The following CRB1 variants were observed in gnomAD, a reference collection of about 807,000 sequenced individuals.
The protein encoded by CRB1 is crumbs cell polarity complex component 1, also known as protein crumbs homolog 1.
In CRB1, 83 loss-of-function variants were observed where a neutral mutation model predicts 120.0. The observed-to-expected ratio is 0.69, with a 90% confidence interval of 0.58 to 0.83. CRB1 has a LOEUF of 0.83. Among genes scored for constraint, CRB1 ranks in the 40% least tolerant of loss-of-function variants. CRB1 has a pLI of 0.00. For synonymous variants in CRB1, 625 were observed against 612.5 expected (o/e 1.02, Z -0.30); for missense variants, 1,699 against 1,687.6 (o/e 1.01, Z -0.12).
chr1:197,460,434 T>C (rs1218929318), intron 11 of CRB1, among the ~76,000 whole-genome samples: 3 of 152,180 alleles, frequency 2.0e-5, no homozygotes, highest in East Asian at 3.9e-4. Flanking sequence ...CTTCACTACC[T>C]GAGGGGAGTT....
intron 2 of CRB1, among the ~76,000 whole-genome samples, chr1:197,332,584 A>G (rs1334538028): frequency 6.6e-6 from 1 of 152,068 alleles, no homozygotes; most frequent in Admixed American, 6.5e-5. Context: ...CTTGCTCACC[A>G]ATCTCCTACA....
At chr1:197,418,274 A>C (rs1396523890) in intron 5 of CRB1, among the ~76,000 whole-genome samples, 1 of 152,164 alleles carries the variant, frequency 6.6e-6, no homozygotes, top group African/African-American at 2.4e-5. Flanking sequence ...GTTATATTAA[A>C]CTTGTATTGG....
intron 1 of CRB1, among the ~76,000 whole-genome samples, chr1:197,319,688 A>G (rs374460477): frequency 1.3e-5 from 2 of 151,750 alleles, no homozygotes; most frequent in South Asian, 2.1e-4. Context: ...TCACCCATTT[A>G]ATTTGTTTAC....
At chr1:197,319,183 G>A (rs1169575877) in intron 1 of CRB1, among the ~76,000 whole-genome samples, 2 of 147,532 alleles carry the variant, frequency 1.4e-5, no homozygotes, top group Non-Finnish European at 1.5e-5. Flanking sequence ...TAGAAGTTTG[G>A]GGGGCTGAGG....
At chr1:197,445,530 T>C (rs1021813596) in intron 11 of CRB1, among the ~76,000 whole-genome samples, 2 of 152,198 alleles carry the variant, frequency 1.3e-5, no homozygotes, top group Non-Finnish European at 2.9e-5. Context: ...CAATACAAGG[T>C]CAACCAAAAT....
chr1:197,209,264 CTT>C, the CRB1 span, among the ~76,000 whole-genome samples: 2 of 152,202 alleles, frequency 1.3e-5, no homozygotes, highest in Non-Finnish European at 2.9e-5. Context: ...TGTCCAGAAA[CTT>C]TGCATTCAAT....
At chr1:197,419,131 A>G (rs1342064210) in intron 5 of CRB1, among the ~76,000 whole-genome samples, 4 of 152,194 alleles carry the variant, frequency 2.6e-5, no homozygotes, top group African/African-American at 9.6e-5. Flanking sequence ...TATTAATCCC[A>G]TTCATAGATG....
chr1:197,285,127 G>T (rs1370080090), intron 1 of CRB1, among the ~76,000 whole-genome samples: 1 of 151,916 alleles, frequency 6.6e-6, no homozygotes, highest in Non-Finnish European at 1.5e-5. Context: ...CAACATGAAA[G>T]TCCCCTTGAT....
the CRB1 span, among the ~76,000 whole-genome samples, chr1:197,209,571 C>T: frequency 3.3e-5 from 5 of 152,072 alleles, no homozygotes; most frequent in African/African-American, 1.2e-4. Flanking sequence ...TAGTCTTGAA[C>T]TTCTTACCTC....
intron 1 of CRB1, among the ~76,000 whole-genome samples, chr1:197,269,144 A>G (rs545166460): frequency 1.5e-4 from 23 of 152,354 alleles, no homozygotes; most frequent in Non-Finnish European, 7.3e-5. Flanking sequence ...AAATTGCCCC[A>G]GCTGTGTGTT....
At chr1:197,268,677 C>A (rs1238035046) in intron 1 of CRB1, among the ~76,000 whole-genome samples, 195 bp downstream of exon 1, 2 of 151,818 alleles carry the variant, frequency 1.3e-5, no homozygotes, top group Admixed American at 6.6e-5. Context: ...TTTTAAGATT[C>A]TATGATTTCC....
In CRB1 at chr1:197,434,961, C is replaced by T. The variant is rs778604058; in HGVS notation, c.3098C>T (p.Thr1033Ile). Residue 1033 changes from threonine (T) to isoleucine (I), a missense_variant, in exon 9 of 12, where the codon ACA (threonine) becomes ATA (isoleucine). Transcript: ENST00000367400. ...LTSLQSVNDG[T>I]WHEVTLSMTD... ...AGTTTGCAGTCAGTGAATGATGGCA[C>T]ATGGCACGAAGTGACCCTTTCCATG... 22 of 1,613,828 alleles carry T rather than the reference C, an allele frequency of 1.4e-5. No individual in the cohort carries two copies. Among genetic ancestry groups the T allele is most frequent in the Non-Finnish European group, 1.9e-5 (22 of 1,179,890 alleles).
intron 2 of CRB1, among the ~76,000 whole-genome samples, chr1:197,341,330 G>A (rs1236942586): frequency 1.3e-5 from 2 of 152,094 alleles, no homozygotes; most frequent in African/African-American, 2.4e-5. Flanking sequence ...ATCACTTGAG[G>A]TCAGGAGTTT....
At chr1:197,462,532 T>G (rs968205475) in intron 11 of CRB1, among the ~76,000 whole-genome samples, 4 of 152,124 alleles carry the variant, frequency 2.6e-5, no homozygotes, top group Non-Finnish European at 5.9e-5. Flanking sequence ...CCTGAAATAC[T>G]CCCTTTGGTC....
intron 11 of CRB1, 150 bp downstream of exon 11, chr1:197,442,442 G>T (rs550352016): frequency 1.0e-5 from 16 of 1,537,838 alleles, no homozygotes; most frequent in Non-Finnish European, 1.3e-5. Context: ...ATTCCCAAAT[G>T]AAAAAAAAAG....
At chr1:197,205,693 A>G in the CRB1 span, among the ~76,000 whole-genome samples, 1 of 152,120 alleles carries the variant, frequency 6.6e-6, no homozygotes, top group Non-Finnish European at 1.5e-5. Flanking sequence ...CATCAGGGAT[A>G]TTGATCTGTA....
intron 5 of CRB1, among the ~76,000 whole-genome samples, chr1:197,420,191 C>A (rs553637100): frequency 1.3e-5 from 2 of 152,102 alleles, no homozygotes; most frequent in African/African-American, 4.8e-5. Flanking sequence ...TAAAGTCCTA[C>A]GCATATGTCT....
chr1:197,421,384 C>T lies in CRB1; in HGVS notation c.1556C>T (p.Pro519Leu), dbSNP rs1571523755. Residue 519 changes from proline (P) to leucine (L), a missense_variant, in exon 6 of 12, where the codon CCA becomes CTA. Pro to Leu is a moderately conservative substitution (Grantham distance 98, BLOSUM62 -3). Transcript: ENST00000367400. ...GCCCTCAGGTTTCAGACTGTTCAGC[C>T]AATGGCTCTTCTACTTTTCCGAAGC... ...NIALRFQTVQ[P>L]MALLLFRSNR... is the part of the protein sequence containing the mutation. The T allele has an allele frequency of 3.7e-6, 6 of 1,614,062 alleles. No homozygotes were observed. In the South Asian group the frequency reaches 5.5e-5, roughly 15 times the overall value.
chr1:197,339,762 C>A (rs991187574), intron 2 of CRB1, among the ~76,000 whole-genome samples: 1 of 152,170 alleles, frequency 6.6e-6, no homozygotes, highest in African/African-American at 2.4e-5. Context: ...AATTGGAGTG[C>A]AAAGTCTCTA....
Sources: gnomAD v4.1 joint callset for allele counts (sites outside exome capture counted in the v4.1 genomes callset) on GRCh38, gnomAD v4.1.1 for gene constraint, MANE v1.5 for transcripts, NCBI Gene and HGNC (gene_info 2026-07-23, HGNC 2026-07-21) for gene names.